The following ZNF10 variants were observed in gnomAD, a reference collection of about 807,000 sequenced individuals.
ZNF10 encodes zinc finger protein 10 (KOX 1).
ZNF10 carries 8 observed loss-of-function variants against 12.2 expected under a neutral mutation model. The ratio of observed to expected loss-of-function variants is 0.66; its 90% CI spans 0.39 to 1.18. ZNF10 has a LOEUF of 1.18. Ranked by LOEUF, ZNF10 falls within the 50% of genes most tolerant of loss-of-function variation. ZNF10 has a pLI of 0.01. For synonymous variants in ZNF10, 229 were observed against 228.2 expected (o/e 1.00, Z -0.03); for missense variants, 603 against 678.9 (o/e 0.89, Z 1.24).
At chr12:133,131,204 CTCA>C (rs201781742) in intron 1 of ZNF10, among the ~76,000 whole-genome samples, 1,313 of 98,914 alleles carry the variant, frequency 0.013, 13 homozygotes, top group African/African-American at 0.056. Context: ...TCTTAGCTTC[CTCA>C]TCTTTGTTTT....
chr12:133,143,455 C>T (rs1955957987), intron 1 of ZNF10: 1 of 150,952 alleles, frequency 6.6e-6, no homozygotes, highest in Admixed American at 6.6e-5. Flanking sequence ...GCCAAAGGCA[C>T]AAAAAAGACA....
chr12:133,151,702 C>T (rs1956008563), intron 3 of ZNF10, 107 bp from the exon 4 acceptor site: 1 of 693,092 alleles, frequency 1.4e-6, no homozygotes, highest in Non-Finnish European at 2.5e-6. Flanking sequence ...GAGTCCCTGC[C>T]AGTCCTGCAG....
intron 4 of ZNF10, among the ~76,000 whole-genome samples, chr12:133,153,947 C>G (rs1286632768): frequency 6.6e-6 from 1 of 152,140 alleles, no homozygotes; most frequent in Non-Finnish European, 1.5e-5. Context: ...ATGGTCTCTT[C>G]CCCTGTGTCT....
chr12:133,150,671 G>T (rs1457911422), intron 2 of ZNF10, among the ~76,000 whole-genome samples: 5 of 151,782 alleles, frequency 3.3e-5, no homozygotes, highest in Non-Finnish European at 5.9e-5. Context: ...TAAGCATTAA[G>T]GTGTACTTGA....
rs1955964364 is a variant in ZNF10, at chr12:133,144,489, G to A, written c.-4G>A. On this transcript the variant is annotated 5_prime_UTR_variant, in exon 2 of 5. Transcript: ENST00000248211. ...AAGGAAGTATCATCAAGAACAAGGA[G>A]GGCATGGATGCTAAGTCACTAACTG... The A allele has an allele frequency of 6.2e-7, 1 of 1,613,810 alleles. No homozygotes were observed. The highest frequency in any genetic ancestry group is 1.3e-5 in the African/African-American group (1 of 74,930).
chr12:133,139,268 A>G (rs572340970), intron 1 of ZNF10: 18 of 152,328 alleles, frequency 1.2e-4, no homozygotes, highest in Admixed American at 1.0e-3. Flanking sequence ...ATAAGAATGG[A>G]TAATGTTTGA....
At chr12:133,151,730 T>C in intron 3 of ZNF10, 79 bp from the exon 4 acceptor site, 1 of 1,100,534 alleles carries the variant, frequency 9.1e-7, no homozygotes, top group Non-Finnish European at 1.4e-6. Context: ...GTGGTCAGGT[T>C]GAATCTGAGA....
rs1956032932 is a variant in ZNF10, at chr12:133,155,410, G to A, written c.257-93G>A. ...TATAAAGCCATATTTGAAAGCAACT[G>A]TGTACATCTTGCATACTTTGTCTCC... On this transcript the variant is annotated intron_variant, in intron 4 of 4. Coordinates refer to ENST00000248211, the MANE Select transcript of ZNF10 (RefSeq NM_015394.5). 2.3e-6 allele frequency: 3 copies of A among 1,320,962 alleles called. No homozygotes were observed. In the Admixed American group the frequency reaches 8.2e-5, roughly 36 times the overall value. The allele number at this position is 1,320,962 out of a possible 1,614,324, so 81.8% of individuals were successfully genotyped here.
intron 1 of ZNF10, among the ~76,000 whole-genome samples, chr12:133,142,720 A>G (rs1372849349): frequency 6.6e-6 from 1 of 152,240 alleles, no homozygotes; most frequent in Non-Finnish European, 1.5e-5. Flanking sequence ...ATGTAGAGAA[A>G]TTAGAATATG....
chr12:133,156,099 C>CAACATTACAAGCTGT lies in ZNF10; in HGVS notation c.853_854insAACATTACAAGCTGT (p.Leu285delinsGlnHisTyrLysLeuPhe). 6.2e-7 allele frequency: 1 copy of CAACATTACAAGCTGT among 1,613,384 alleles called. No homozygotes were observed. The highest frequency in any genetic ancestry group is 8.5e-7 in the Non-Finnish European group (1 of 1,180,014). On this transcript the variant is annotated protein_altering_variant, in exon 5 of 5. Transcript: ENST00000248211. ...GCGCTCTAATCTTACTAGGCATCAG[C>CAACATTACAAGCTGT]TTATTCATACTGGAGAAAAACCCTA...
rs115518810 is a variant in ZNF10 at position 133,154,000 on chromosome 12, C to T, written c.257-1503C>T. ...GACCACCCTCATACTGGATTAGGGG[C>T]CCATCCTATTTCTGGTACTACCTCA... On this transcript the variant is annotated intron_variant, in intron 4 of 4. Coordinates refer to ENST00000248211, the MANE Select transcript of ZNF10 (RefSeq NM_015394.5). 2.5e-3 allele frequency among the ~76,000 whole-genome samples: 385 copies of T among 152,128 alleles called. 1 individual carries two copies. The highest frequency in any genetic ancestry group is 8.8e-3 in the African/African-American group (364 of 41,506).
At chr12:133,143,871 CT>C (rs1955960539) in intron 1 of ZNF10, 1 of 151,996 alleles carries the variant, frequency 6.6e-6, no homozygotes, top group Non-Finnish European at 1.5e-5. Flanking sequence ...GAAAAATTCA[CT>C]TTCAAGCTCA....
At chr12:133,150,746 CT>C (rs1956002340) in intron 2 of ZNF10, among the ~76,000 whole-genome samples, 3 of 152,110 alleles carry the variant, frequency 2.0e-5, no homozygotes, top group African/African-American at 7.2e-5. Context: ...ATGATTCCCC[CT>C]GCCATAGCTG....
At chr12:133,146,831 G>C (rs1034802044) in intron 2 of ZNF10, among the ~76,000 whole-genome samples, 1 of 151,848 alleles carries the variant, frequency 6.6e-6, no homozygotes, top group African/African-American at 2.4e-5. Flanking sequence ...AGGTGAAAGA[G>C]CGAAACTCCA....
At chr12:133,142,053 ACTGT>A (rs1955947545) in intron 1 of ZNF10, among the ~76,000 whole-genome samples, 1 of 152,202 alleles carries the variant, frequency 6.6e-6, no homozygotes, top group Non-Finnish European at 1.5e-5. Context: ...GAAAAAAATA[ACTGT>A]CTACCTATTA....
rs1194735430 is a variant in ZNF10 at position 133,158,683 on chromosome 12, A to G, written c.*1715A>G. The G allele has an allele frequency of 6.6e-6, 1 of 152,308 alleles. No individual in the cohort carries two copies. Among genetic ancestry groups the G allele is most frequent in the East Asian group, 1.9e-4 (1 of 5,182 alleles). The allele number at this position is 152,308 out of a possible 1,614,324, so 9.4% of individuals were successfully genotyped here. On this transcript the variant is annotated 3_prime_UTR_variant, in exon 5 of 5. Transcript: ENST00000248211. ...TTCTGGCATAAATATTAGCTGCTCA[A>G]TGATTGATTGTTGAATGATAGATGA...
At chr12:133,149,842 G>A (rs1306155635) in intron 2 of ZNF10, among the ~76,000 whole-genome samples, 2 of 151,696 alleles carry the variant, frequency 1.3e-5, no homozygotes, top group African/African-American at 4.8e-5. Flanking sequence ...ATATATTTTA[G>A]TATTTCACTT....
At position 133,155,722 on chromosome 12, in the gene ZNF10, C is replaced by A; in HGVS notation, c.476C>A (p.Thr159Asn). 6.2e-7 allele frequency: 1 copy of A among 1,612,108 alleles called. No homozygotes were observed. Among genetic ancestry groups the A allele is most frequent in the Non-Finnish European group, 8.5e-7 (1 of 1,179,246 alleles). ...GCATTCACCCAAAAGAAAGTACTTA[C>A]TCAGGAGAGAGTCTCTGAAAGTGGT... Reference protein sequence around the residue: ...QVAFTQKKVLTQERVSESGKY... With the variant: ...QVAFTQKKVLNQERVSESGKY... The change falls in exon 5 of 5, where the codon ACT becomes AAT. Residue 159 changes from threonine (T) to asparagine (N), a missense_variant. Thr to Asn is a moderately conservative substitution (Grantham distance 65, BLOSUM62 0). Coordinates refer to ENST00000248211, the MANE Select transcript of ZNF10 (RefSeq NM_015394.5).
chr12:133,133,297 G>C (rs1955891090), intron 1 of ZNF10, among the ~76,000 whole-genome samples: 1 of 152,192 alleles, frequency 6.6e-6, no homozygotes, highest in Non-Finnish European at 1.5e-5. Flanking sequence ...AAGAGACCCT[G>C]TTCTCTTTAT....
Sources: gnomAD v4.1 joint callset for allele counts (sites outside exome capture counted in the v4.1 genomes callset) on GRCh38, gnomAD v4.1.1 for gene constraint, MANE v1.5 for transcripts, NCBI Gene and HGNC (gene_info 2026-07-23, HGNC 2026-07-21) for gene names.